Variants in TCF20 observed in about 807,000 individuals in gnomAD.
TCF20 encodes the protein transcription factor 20.
TCF20 carries 3 observed loss-of-function variants against 148.6 expected under a neutral mutation model. The ratio of observed to expected loss-of-function variants is 0.02; its 90% CI spans 0.01 to 0.05. The LOEUF is 0.05. TCF20 is among the 10% of genes least tolerant of loss of function. The probability of loss-of-function intolerance (pLI) is 1.00; values close to 1 mark genes in which losing one functional copy is unlikely to be tolerated. For synonymous variants in TCF20, 1,049 were observed against 909.5 expected, an observed-to-expected ratio of 1.15 and a Z score of -2.76; for missense variants, 2,350 against 2,429.3, an observed-to-expected ratio of 0.97 and a Z score of 0.69.
At chr22:42,300,948 C>T (rs1197336937) in intron 1 of TCF20, among the ~76,000 whole-genome samples, 5 of 152,152 alleles carry the variant, frequency 3.3e-5, no homozygotes, top group Admixed American at 3.3e-4. Flanking sequence ...GCCTTAACCC[C>T]ACCTTCAGAG....
intron 2 of TCF20, among the ~76,000 whole-genome samples, chr22:42,209,160 T>C (rs967743892): frequency 6.6e-6 from 1 of 152,184 alleles, no homozygotes; most frequent in Non-Finnish European, 1.5e-5. Flanking sequence ...CATGCTCAGA[T>C]ATATAGGATC....
At chr22:42,283,500 G>A (rs1355844332) in intron 1 of TCF20, among the ~76,000 whole-genome samples, 2 of 152,110 alleles carry the variant, frequency 1.3e-5, no homozygotes, top group South Asian at 2.1e-4. Context: ...CGCGCTCCCC[G>A]AGCAGCCCCC....
chr22:42,260,744 A>G (rs1278217301), intron 1 of TCF20, among the ~76,000 whole-genome samples: 1 of 152,126 alleles, frequency 6.6e-6, no homozygotes, highest in African/African-American at 2.4e-5. Context: ...TTAGCCTCCC[A>G]AAGTGCTGGG....
At chr22:42,225,423 G>T (rs904344859) in intron 1 of TCF20, among the ~76,000 whole-genome samples, 1 of 150,760 alleles carries the variant, frequency 6.6e-6, no homozygotes, top group African/African-American at 2.4e-5. Context: ...GACCATCCTG[G>T]CTAACAAGGT....
intron 2 of TCF20, among the ~76,000 whole-genome samples, chr22:42,187,547 CTT>C (rs1451794882): frequency 6.6e-6 from 1 of 152,204 alleles, no homozygotes; most frequent in African/African-American, 2.4e-5. Flanking sequence ...GTCCAAATCT[CTT>C]GAGTGTGGCC....
chr22:42,179,943 G>T (rs1302611140), intron 2 of TCF20, among the ~76,000 whole-genome samples: 1 of 152,140 alleles, frequency 6.6e-6, no homozygotes, highest in Non-Finnish European at 1.5e-5. Context: ...ATACAGCAGG[G>T]TGAGATGAGC....
chr22:42,235,461 T>C, intron 1 of TCF20, among the ~76,000 whole-genome samples: 1 of 152,180 alleles, frequency 6.6e-6, no homozygotes, highest in East Asian at 1.9e-4. Context: ...AGTACTATCT[T>C]ACCTAGAGTC....
chr22:42,293,002 T>C (rs1191913622), intron 1 of TCF20, among the ~76,000 whole-genome samples: 1 of 149,036 alleles, frequency 6.7e-6, no homozygotes, highest in Non-Finnish European at 1.5e-5. Context: ...GGCCAGGGAG[T>C]GGGGCCCAGC....
At position 42,299,772 on chromosome 22, in the gene TCF20, G is replaced by C. The variant is rs765748928; in HGVS notation, c.-37+43707C>G. The stretch of plus-strand genomic sequence containing the variant: ...ATTAGCAGGTACCTGGAGTGGGGTC[G>C]GTAAGAGAGAATAGCAGAGGAGGAG... On this transcript the variant is annotated intron_variant, in intron 1 of 1. Transcript: ENST00000515426. This position sits in a 1 kb window ranked among gnomAD's most constrained non-coding sequence, Gnocchi z 4.1. Among the ~76,000 whole-genome samples, 1 of 151,890 alleles carries C rather than the reference G, an allele frequency of 6.6e-6. No individual in the cohort carries two copies. The highest frequency in any genetic ancestry group is 1.5e-5 in the Non-Finnish European group (1 of 67,960).
intron 2 of TCF20, among the ~76,000 whole-genome samples, chr22:42,180,599 C>T (rs940489416): frequency 4.0e-4 from 61 of 152,330 alleles, no homozygotes; most frequent in African/African-American, 1.4e-3. Flanking sequence ...CTTGTTCCTG[C>T]TTCTATGAAA....
chr22:42,276,791 G>A (rs1403633302), intron 1 of TCF20: 2 of 152,118 alleles, frequency 1.3e-5, no homozygotes, highest in Non-Finnish European at 1.5e-5. Context: ...ATCTCCCTGC[G>A]AGCTCTCGGG....
rs575330298 is a variant in TCF20, at chr22:42,160,061, GTTTT to G, written c.*1338_*1341del. ...TTTTTTTGATTTTTTGATTTTTTTT[GTTTT>G]TTGTTTTTTTAAATAAAACTGTTTG... On this transcript the variant is annotated 3_prime_UTR_variant, in exon 6 of 6. Transcript: ENST00000677622. The G allele has an allele frequency of 6.6e-6, 1 of 152,214 alleles. No individual in the cohort carries two copies. Among genetic ancestry groups the G allele is most frequent in the Non-Finnish European group, 1.5e-5 (1 of 67,852 alleles). The allele number at this position is 152,214 out of a possible 1,614,324, so 9.4% of individuals were successfully genotyped here. A position where few individuals can be genotyped will look rare whatever the true frequency, so the allele number is the denominator to read the frequency against.
intron 1 of TCF20, among the ~76,000 whole-genome samples, chr22:42,244,381 C>T (rs1317753359): frequency 1.3e-5 from 2 of 152,120 alleles, no homozygotes; most frequent in African/African-American, 4.8e-5. Flanking sequence ...GTGGAAACAA[C>T]CGAAATGTCC....
At chr22:42,205,826 C>G (rs1023730693) in intron 2 of TCF20, among the ~76,000 whole-genome samples, 5 of 152,214 alleles carry the variant, frequency 3.3e-5, no homozygotes, top group African/African-American at 1.2e-4. Context: ...GGCTAGAGTG[C>G]AGTGGCACCA....
At chr22:42,189,009 T>TG (rs1667363199) in intron 2 of TCF20, among the ~76,000 whole-genome samples, 1 of 152,012 alleles carries the variant, frequency 6.6e-6, no homozygotes, top group Non-Finnish European at 1.5e-5. Flanking sequence ...AAGAGCTACC[T>TG]GGGGGGAAGG....
At chr22:42,223,334 T>C (rs886872128) in intron 1 of TCF20, among the ~76,000 whole-genome samples, 1 of 152,250 alleles carries the variant, frequency 6.6e-6, no homozygotes, top group African/African-American at 2.4e-5. Context: ...ACTCCAATTC[T>C]TCTGATTCTA....
chr22:42,242,833 G>C (rs1434678117), intron 1 of TCF20, among the ~76,000 whole-genome samples: 2 of 152,132 alleles, frequency 1.3e-5, no homozygotes, highest in Admixed American at 1.3e-4. Flanking sequence ...GTTGCAGTGA[G>C]TGGAGATCGC....
chr22:42,248,347 T>A (rs1311354262), intron 1 of TCF20, among the ~76,000 whole-genome samples: 1 of 152,234 alleles, frequency 6.6e-6, no homozygotes, highest in Non-Finnish European at 1.5e-5. Context: ...ACTTGGTGGC[T>A]GAGGAACCTC....
chr22:42,197,353 C>G lies in TCF20; in HGVS notation c.5655+12298G>C, dbSNP rs181296955. On this transcript the variant is annotated intron_variant, in intron 2 of 5. Coordinates refer to ENST00000677622, the MANE Select transcript of TCF20 (RefSeq NM_001378418.1). ...TTTTTTTTTTTTTGAGATGGAGTCT[C>G]GCTGTGTCGCCCAGGCTGGAGGGCA... 1.6e-3 allele frequency among the ~76,000 whole-genome samples: 224 copies of G among 143,726 alleles called. 1 individual carries two copies. The highest frequency in any genetic ancestry group is 0.015 in the Middle Eastern group (4 of 266). 94.3% of individuals were successfully genotyped at this position (143,726 alleles called of 152,430 possible).
Sources: allele counts gnomAD v4.1 joint callset (sites outside exome capture counted in the v4.1 genomes callset), GRCh38; gene constraint gnomAD v4.1.1; non-coding constraint Gnocchi (gnomAD v3.1); transcripts MANE v1.5; gene names NCBI Gene and HGNC (gene_info 2026-07-23, HGNC 2026-07-21).